The following UQCRC1 variants were observed in gnomAD, a reference collection of about 807,000 sequenced individuals.
UQCRC1 encodes ubiquinol-cytochrome c reductase core protein 1.
Under a neutral mutation model 58.0 loss-of-function variants are expected in UQCRC1, and 34 were observed. That is an observed-to-expected ratio of 0.59 (90% CI 0.45 to 0.78). UQCRC1 has a LOEUF of 0.78. Ranked by LOEUF, UQCRC1 falls within the 30% of genes least tolerant of loss-of-function variation. The pLI, the probability that UQCRC1 is intolerant of heterozygous loss-of-function variation, is 0.00. For missense variants in UQCRC1, 610 were observed against 646.0 expected (o/e 0.94, Z 0.60); for synonymous variants, 276 against 248.8 (o/e 1.11, Z -1.03).
At chr3:48,604,081 C>G in intron 5 of UQCRC1, 152 bp downstream of exon 5, 2 of 813,218 alleles carry the variant, frequency 2.5e-6, no homozygotes, top group Non-Finnish European at 3.9e-6. Flanking sequence ...TTAAAAAAGA[C>G]TCACTGGACC....
chr3:48,606,211 C>T (rs2046409866), intron 2 of UQCRC1, among the ~76,000 whole-genome samples: 1 of 152,204 alleles, frequency 6.6e-6, no homozygotes, highest in Admixed American at 6.5e-5. Context: ...ATATCATTTG[C>T]AAATAACAAC....
chr3:48,609,286 G>A lies in UQCRC1; in HGVS notation c.86C>T (p.Thr29Met), dbSNP rs1241363567. 3 of 1,609,812 alleles carry A rather than the reference G, an allele frequency of 1.9e-6. No homozygotes were observed. The highest frequency in any genetic ancestry group is 2.2e-5 in the South Asian group (2 of 90,908). The change falls in exon 2 of 13, where the codon ACG (threonine) becomes ATG (methionine). Residue 29 changes from threonine to methionine, a missense_variant. Thr to Met is a moderately conservative substitution (Grantham distance 81). Coordinates refer to ENST00000203407, the MANE Select transcript of UQCRC1 (RefSeq NM_003365.3). ...RARRSPALLR[T>M]PALRSTATFA... ...GGTTGCCGTACTCCGCAAGGCTGGCGTCCGCAGCAGGGCCGGCTGTGGAAG... is the reference window on the plus strand; with the variant it reads ...GGTTGCCGTACTCCGCAAGGCTGGCATCCGCAGCAGGGCCGGCTGTGGAAG...
chr3:48,605,836 A>G lies in UQCRC1; in HGVS notation c.231T>C (p.Val77=), dbSNP rs1559457375. Residue 77 remains valine, a synonymous_variant, in exon 3 of 13, where the codon GTT becomes GTC. Transcript: ENST00000203407. The part of the protein sequence containing the change: ...PTCTVGVWID[V]GSRFETEKNN... ...TCTTCTCAGTCTCAAAACGGCTGCC[A>G]ACATCAATCCACACTCCCACCTGGT... 2 of 1,613,882 alleles carry G rather than the reference A, an allele frequency of 1.2e-6. No homozygotes were observed. The highest frequency in any genetic ancestry group is 1.7e-6 in the Non-Finnish European group (2 of 1,179,924).
chr3:48,603,462 C>A lies in UQCRC1; in HGVS notation c.706+102G>T, dbSNP rs940267991. 1.3e-5 allele frequency: 15 copies of A among 1,155,300 alleles called. No homozygotes were observed. The African/African-American group carries it at 1.8e-4, about 14-fold the overall frequency. 71.6% of individuals were successfully genotyped at this position (1,155,300 alleles called of 1,614,324 possible). On this transcript the variant is annotated intron_variant, in intron 6 of 12. Coordinates refer to ENST00000203407, the MANE Select transcript of UQCRC1 (RefSeq NM_003365.3). ...CTCAAGGTTAGGGTGGGAGCAGAGT[C>A]CCCTGGGGTGAAAGGTCCCCTATGG...
At chr3:48,604,090 C>G in intron 5 of UQCRC1, 143 bp downstream of exon 5, 1 of 879,488 alleles carries the variant, frequency 1.1e-6, no homozygotes, top group Non-Finnish European at 1.8e-6. Context: ...ACTCACTGGA[C>G]CACATGGATA....
chr3:48,604,012 C>A (rs1238014375), intron 5 of UQCRC1: 21 of 607,160 alleles, frequency 3.5e-5, no homozygotes, highest in Admixed American at 1.2e-4. Context: ...ACTGTCAGGA[C>A]ATGCACCAAA....
chr3:48,602,774 C>T (rs935704086), intron 6 of UQCRC1, among the ~76,000 whole-genome samples: 13 of 152,136 alleles, frequency 8.5e-5, no homozygotes, highest in African/African-American at 1.9e-4. Context: ...TCACCCACCT[C>T]GGCCTTCCAA....
In UQCRC1 at chr3:48,609,154, C is replaced by G; in HGVS notation, c.210+8G>C. 6.2e-7 allele frequency: 1 copy of G among 1,602,638 alleles called. No homozygotes were observed. On this transcript the variant is annotated splice_region_variant and intron_variant, in intron 2 of 12. Transcript: ENST00000203407. ...GAGGCCCTCTCCCCAAAAGCGTCCC[C>G]AACTCACCGTGCAAGTGGGCTGAGA... is the stretch of plus-strand genomic sequence containing the variant.
chr3:48,600,644 C>T lies in UQCRC1; in HGVS notation c.1127+36G>A, dbSNP rs138395351. 1,893 of 1,614,002 alleles carry T rather than the reference C, an allele frequency of 1.2e-3. 13 individuals carry two copies. The African/African-American group carries it at 0.02, about 17-fold the overall frequency. ...AGCCTCCCACTGTGCTGGTTAAAGCCGCCATCCCACCTAGGAATACCAGGC... is the reference window on the plus strand; with the variant it reads ...AGCCTCCCACTGTGCTGGTTAAAGCTGCCATCCCACCTAGGAATACCAGGC... On this transcript the variant is annotated intron_variant, in intron 9 of 12. Coordinates refer to ENST00000203407, the MANE Select transcript of UQCRC1 (RefSeq NM_003365.3).
intron 10 of UQCRC1, 93 bp downstream of exon 10, chr3:48,600,389 T>A: frequency 6.6e-7 from 1 of 1,519,264 alleles, no homozygotes; most frequent in Non-Finnish European, 9.1e-7. Context: ...AAAGTTTTCC[T>A]TTCTAACCTT....
intron 11 of UQCRC1, 103 bp downstream of exon 11, chr3:48,599,960 G>A (rs1295055527): frequency 7.1e-7 from 1 of 1,409,552 alleles, no homozygotes; most frequent in African/African-American, 1.4e-5. Flanking sequence ...GGACACCAGG[G>A]ATGCCTATAG....
intron 6 of UQCRC1, among the ~76,000 whole-genome samples, chr3:48,601,742 G>A (rs931191922): frequency 1.3e-5 from 2 of 152,208 alleles, no homozygotes; most frequent in African/African-American, 4.8e-5. Context: ...TGATCCAAGT[G>A]TGGGTTCTCA....
Position 48,609,573 on chromosome 3 carries a change from C to A in UQCRC1, c.48G>T (p.Val16=), listed in dbSNP as rs2107850400. Residue 16 remains valine, a synonymous_variant, in exon 1 of 13, where the codon GTG becomes GTT. Coordinates refer to ENST00000203407, the MANE Select transcript of UQCRC1 (RefSeq NM_003365.3). ...VCRAATAGAQ[V]LLRARRSPAL... The stretch of plus-strand genomic sequence containing the variant: ...TCACCGAGCGGCGGGCGCGCAATAG[C>A]ACTTGTGCCCCGGCGGTAGCGGCCC... 1 of 1,570,574 alleles carries A rather than the reference C, an allele frequency of 6.4e-7. No individual in the cohort carries two copies. The highest frequency in any genetic ancestry group is 8.6e-7 in the Non-Finnish European group (1 of 1,163,264).
At chr3:48,599,950 G>A (rs2046348026) in intron 11 of UQCRC1, 113 bp downstream of exon 11, 2 of 1,341,270 alleles carry the variant, frequency 1.5e-6, no homozygotes, top group Non-Finnish European at 2.1e-6. Flanking sequence ...CAGCTGCCTA[G>A]GACACCAGGG....
chr3:48,599,446 G>T, intron 12 of UQCRC1, 189 bp downstream of exon 12: 1 of 713,214 alleles, frequency 1.4e-6, no homozygotes, highest in Non-Finnish European at 2.3e-6. Flanking sequence ...TTGGCAGGCA[G>T]TCAAGGAACT....
chr3:48,606,096 G>C (rs927779899), intron 2 of UQCRC1, among the ~76,000 whole-genome samples: 2 of 152,114 alleles, frequency 1.3e-5, no homozygotes, highest in Admixed American at 6.5e-5. Context: ...AGGACCCACA[G>C]GGACACTTCT....
chr3:48,601,693 A>C (rs2046367779), intron 6 of UQCRC1, among the ~76,000 whole-genome samples: 1 of 152,240 alleles, frequency 6.6e-6, no homozygotes. Context: ...CAGTCCCAGG[A>C]GAGCAAAAGC....
chr3:48,604,601 T>C (rs377340536), intron 4 of UQCRC1, 50 bp downstream of exon 4: 9 of 1,611,588 alleles, frequency 5.6e-6, no homozygotes, highest in Non-Finnish European at 7.6e-6. Context: ...CCTAGGTAGC[T>C]GTCCTCTGCT....
At chr3:48,608,171 C>T (rs2046430744) in intron 2 of UQCRC1, among the ~76,000 whole-genome samples, 1 of 152,246 alleles carries the variant, frequency 6.6e-6, no homozygotes, top group Non-Finnish European at 1.5e-5. Flanking sequence ...CAAGTCTTCA[C>T]TGTCCATCAT....
Sources: gnomAD v4.1 joint callset for allele counts (sites outside exome capture counted in the v4.1 genomes callset) on GRCh38, gnomAD v4.1.1 for gene constraint, MANE v1.5 for transcripts, NCBI Gene and HGNC (gene_info 2026-07-23, HGNC 2026-07-21) for gene names.